Variants in BLK observed in about 807,000 individuals in gnomAD.
The protein encoded by BLK is BLK proto-oncogene, Src family tyrosine kinase.
Under a neutral mutation model 61.8 loss-of-function variants are expected in BLK, and 64 were observed. That is an observed-to-expected ratio of 1.03 (90% CI 0.85 to 1.27). The LOEUF (loss-of-function observed/expected upper bound fraction) is 1.27, where lower values mean the gene tolerates loss of function less well. Ranked by LOEUF, BLK falls within the 50% of genes most tolerant of loss-of-function variation. The probability of loss-of-function intolerance (pLI) is 0.00; values close to 1 mark genes in which losing one functional copy is unlikely to be tolerated. For missense variants in BLK, 853 were observed against 660.5 expected (o/e 1.29, Z -3.19); for synonymous variants, 351 against 272.0 (o/e 1.29, Z -2.86).
intron 3 of BLK, 124 bp downstream of exon 3, chr8:11,546,227 C>A: frequency 8.5e-7 from 1 of 1,171,526 alleles, no homozygotes. Flanking sequence ...AACGGGGAAG[C>A]TGAGAGAGGC....
At chr8:11,546,234 A>AGGCCCC in intron 3 of BLK, 131 bp downstream of exon 3, 2 of 1,109,066 alleles carry the variant, frequency 1.8e-6, no homozygotes, top group Non-Finnish European at 2.7e-6. Flanking sequence ...AAGCTGAGAG[A>AGGCCCC]GGCCCCGGCT....
intron 6 of BLK, chr8:11,553,175 A>G (rs919511656): frequency 5.4e-6 from 1 of 186,308 alleles, no homozygotes; most frequent in South Asian, 1.0e-4. Context: ...TGAATGCAAG[A>G]CAGGGATGGA....
chr8:11,560,379 GTGGATGGATGGATGCATGGA>G (rs1801452021), intron 10 of BLK: 1 of 213,316 alleles, frequency 4.7e-6, no homozygotes, highest in Non-Finnish European at 9.4e-6. Flanking sequence ...GGATGGGTGG[GTGGATGGATGGATGCATGGA>G]TGGATGGATG....
chr8:11,522,584 C>T (rs1197979820), intron 1 of BLK, among the ~76,000 whole-genome samples: 1 of 151,882 alleles, frequency 6.6e-6, no homozygotes, highest in Non-Finnish European at 1.5e-5. Flanking sequence ...TGAGGTTGCC[C>T]ATCCCAATGC....
chr8:11,518,275 C>T lies in BLK; in HGVS notation c.-2+23684C>T, dbSNP rs113221843. Among the ~76,000 whole-genome samples the T allele has an allele frequency of 1.5e-3, 225 of 152,304 alleles. 1 individual carries two copies. Among genetic ancestry groups the T allele is most frequent in the African/African-American group, 5.0e-3 (206 of 41,570 alleles). ...AGCACCAGATGGATTGCTTTTTAGA[C>T]GGTGCATCCTGTTAGAGCTTAGGCT... is the stretch of plus-strand genomic sequence containing the variant. On this transcript the variant is annotated intron_variant, in intron 1 of 12. Coordinates refer to ENST00000259089, the MANE Select transcript of BLK (RefSeq NM_001715.3).
rs774345135 is a variant in BLK at position 11,548,042 on chromosome 8, C to CG, written c.187dup (p.Val63GlyfsTer6). The CG allele has an allele frequency of 6.2e-7, 1 of 1,614,028 alleles. No individual in the cohort carries two copies. Among genetic ancestry groups the CG allele is most frequent in the East Asian group, 2.2e-5 (1 of 44,884 alleles). ...CCTTGTTCATTTTAGACAAGCATTT[C>CG]GTGGTGGCTCTGTATGACTACACCG... On this transcript the variant is annotated frameshift_variant, in exon 4 of 13. Coordinates refer to ENST00000259089, the MANE Select transcript of BLK (RefSeq NM_001715.3). LOFTEE classifies it high-confidence loss of function.
chr8:11,535,391 G>A (rs1455684004), intron 1 of BLK, among the ~76,000 whole-genome samples: 1 of 152,230 alleles, frequency 6.6e-6, no homozygotes, highest in Non-Finnish European at 1.5e-5. Context: ...CATTAGCTGT[G>A]AATGACTGTA....
chr8:11,495,636 A>G (rs1798336398), intron 1 of BLK, among the ~76,000 whole-genome samples: 2 of 152,326 alleles, frequency 1.3e-5, no homozygotes, highest in Non-Finnish European at 2.9e-5. Flanking sequence ...AAAAATGTCA[A>G]GGTCATGAAA....
chr8:11,545,887 T>C (rs1246194049), intron 2 of BLK, 165 bp from the exon 3 acceptor site: 1 of 783,958 alleles, frequency 1.3e-6, no homozygotes, highest in Non-Finnish European at 2.3e-6. Flanking sequence ...GTAGTGCTGG[T>C]CCCTGGGTAC....
At chr8:11,526,652 G>C (rs1799662279) in intron 1 of BLK, among the ~76,000 whole-genome samples, 1 of 152,218 alleles carries the variant, frequency 6.6e-6, no homozygotes, top group South Asian at 2.1e-4. Flanking sequence ...CTGGGAGGTG[G>C]AGGTTGCAGT....
chr8:11,558,681 G>A (rs1301244752), intron 10 of BLK: 3 of 456,178 alleles, frequency 6.6e-6, no homozygotes, highest in Non-Finnish European at 1.3e-5. Flanking sequence ...TCCATGGGGT[G>A]AAGAGCAGAG....
intron 1 of BLK, among the ~76,000 whole-genome samples, chr8:11,507,650 G>T (rs1585326363): frequency 1.3e-5 from 2 of 152,338 alleles, no homozygotes; most frequent in South Asian, 4.1e-4. Context: ...GGACCAGCTT[G>T]GGGGTTTGGG....
chr8:11,516,962 A>G (rs1426907520), intron 1 of BLK, among the ~76,000 whole-genome samples: 1 of 152,216 alleles, frequency 6.6e-6, no homozygotes, highest in Non-Finnish European at 1.5e-5. Flanking sequence ...GCTGGATCAT[A>G]TGGTAATTCT....
chr8:11,510,576 G>A (rs182833335), intron 1 of BLK, among the ~76,000 whole-genome samples: 3 of 152,164 alleles, frequency 2.0e-5, no homozygotes, highest in Admixed American at 1.3e-4. Context: ...CTCAACGGGG[G>A]CTGTGGCCCC....
At chr8:11,530,230 A>G (rs1435187924) in intron 1 of BLK, among the ~76,000 whole-genome samples, 1 of 152,202 alleles carries the variant, frequency 6.6e-6, no homozygotes, top group African/African-American at 2.4e-5. Flanking sequence ...AGCCCAGCCA[A>G]GGATTTATTT....
At chr8:11,540,962 T>A (rs1326802597) in intron 1 of BLK, among the ~76,000 whole-genome samples, 3 of 152,190 alleles carry the variant, frequency 2.0e-5, no homozygotes, top group African/African-American at 7.2e-5. Flanking sequence ...ATTCTCATTC[T>A]AAATAAAATA....
intron 6 of BLK, among the ~76,000 whole-genome samples, chr8:11,550,849 G>A (rs1179624062): frequency 2.6e-5 from 4 of 152,060 alleles, no homozygotes; most frequent in African/African-American, 9.7e-5. Context: ...AATTTTTTTG[G>A]TGTAAAATAT....
chr8:11,537,743 G>C (rs954244781), intron 1 of BLK, among the ~76,000 whole-genome samples: 3 of 152,214 alleles, frequency 2.0e-5, no homozygotes, highest in African/African-American at 7.2e-5. Flanking sequence ...TAGAAAAAAA[G>C]AAAAACTCGT....
chr8:11,502,081 C>T (rs1381172421), intron 1 of BLK, among the ~76,000 whole-genome samples: 2 of 152,118 alleles, frequency 1.3e-5, no homozygotes, highest in Non-Finnish European at 2.9e-5. Context: ...GTTCGAGATG[C>T]GCAGCAGCAC....
Sources: allele counts gnomAD v4.1 joint callset (sites outside exome capture counted in the v4.1 genomes callset), GRCh38; gene constraint gnomAD v4.1.1; transcripts MANE v1.5; gene names NCBI Gene and HGNC (gene_info 2026-07-23, HGNC 2026-07-21).